The following TESK2 variants were observed in gnomAD, a reference collection of about 807,000 sequenced individuals.
TESK2 encodes the protein testis associated actin remodelling kinase 2, also known as dual specificity testis-specific protein kinase 2.
In TESK2, 39 loss-of-function variants were observed where a neutral mutation model predicts 57.1. That is an observed-to-expected ratio of 0.68 (90% confidence interval 0.53 to 0.89). The LOEUF (loss-of-function observed/expected upper bound fraction) is 0.89, where lower values mean the gene tolerates loss of function less well. TESK2 is among the 40% of genes least tolerant of loss of function. The pLI is 0.00. For missense variants in TESK2, 646 were observed against 732.1 expected, an observed-to-expected ratio of 0.88 and a Z score of 1.36; for synonymous variants, 249 against 267.9, an observed-to-expected ratio of 0.93 and a Z score of 0.69.
intron 1 of TESK2, among the ~76,000 whole-genome samples, chr1:45,473,682 C>T (rs1238262292): frequency 6.6e-6 from 1 of 152,118 alleles, no homozygotes; most frequent in Non-Finnish European, 1.5e-5. Context: ...TTGGAGTACA[C>T]ACTACTATGT....
intron 1 of TESK2, among the ~76,000 whole-genome samples, chr1:45,481,500 A>G (rs1653223411): frequency 6.6e-6 from 1 of 152,136 alleles, no homozygotes; most frequent in African/African-American, 2.4e-5. Context: ...GTACAGGTCC[A>G]CTCATGTGCT....
intron 1 of TESK2, among the ~76,000 whole-genome samples, chr1:45,463,282 G>A (rs1368161706): frequency 6.6e-6 from 1 of 152,036 alleles, no homozygotes; most frequent in Non-Finnish European, 1.5e-5. Context: ...CTGTACTTTG[G>A]GGATATTACT....
intron 1 of TESK2, among the ~76,000 whole-genome samples, chr1:45,474,629 C>T (rs551511651): frequency 5.9e-5 from 9 of 151,900 alleles, no homozygotes; most frequent in African/African-American, 2.2e-4. Flanking sequence ...CGTACCACCA[C>T]GCTGGGCTAA....
chr1:45,402,324 C>T (rs1270554658), intron 3 of TESK2, among the ~76,000 whole-genome samples: 1 of 147,698 alleles, frequency 6.8e-6, no homozygotes, highest in Non-Finnish European at 1.5e-5. Flanking sequence ...GTCAGAAGGT[C>T]AAGGCTATAG....
At chr1:45,356,870 C>A (rs997099435) in intron 4 of TESK2, among the ~76,000 whole-genome samples, 1 of 152,086 alleles carries the variant, frequency 6.6e-6, no homozygotes, top group African/African-American at 2.4e-5. Context: ...AAGGAACAGG[C>A]AAGAATGTCA....
At chr1:45,397,544 C>A (rs1296801456) in intron 3 of TESK2, among the ~76,000 whole-genome samples, 1 of 152,168 alleles carries the variant, frequency 6.6e-6, no homozygotes, top group Non-Finnish European at 1.5e-5. Flanking sequence ...ACCTCTCTTG[C>A]TTTATCTCCT....
intron 2 of TESK2, among the ~76,000 whole-genome samples, chr1:45,428,461 C>T (rs1219616884): frequency 2.0e-5 from 3 of 151,952 alleles, no homozygotes; most frequent in Non-Finnish European, 2.9e-5. Context: ...ATATAGAAAA[C>T]AAAAACTGAC....
At chr1:45,397,968 C>T (rs934256739) in intron 3 of TESK2, among the ~76,000 whole-genome samples, 2 of 152,084 alleles carry the variant, frequency 1.3e-5, no homozygotes, top group African/African-American at 4.8e-5. Flanking sequence ...AGTGCAGTGG[C>T]GTGATCATAG....
intron 4 of TESK2, among the ~76,000 whole-genome samples, chr1:45,361,657 C>T (rs1647691621): frequency 6.6e-6 from 1 of 152,154 alleles, no homozygotes; most frequent in Non-Finnish European, 1.5e-5. Context: ...GGTAATTCAA[C>T]TATATTATGT....
At chr1:45,443,504 A>T (rs996631011) in intron 2 of TESK2, among the ~76,000 whole-genome samples, 5 of 126,552 alleles carry the variant, frequency 4.0e-5, no homozygotes, top group African/African-American at 1.5e-4. Context: ...CGGAAGGTGG[A>T]GTTTGCAGTG....
intron 3 of TESK2, among the ~76,000 whole-genome samples, chr1:45,388,645 G>A (rs1360586271): frequency 1.3e-5 from 2 of 150,634 alleles, no homozygotes; most frequent in Non-Finnish European, 2.9e-5. Flanking sequence ...GACTACAATG[G>A]TTTGAATGTT....
chr1:45,442,308 A>C (rs1167212390), intron 2 of TESK2, among the ~76,000 whole-genome samples: 1 of 151,526 alleles, frequency 6.6e-6, no homozygotes, highest in Admixed American at 6.6e-5. Context: ...TTTTTTTTTA[A>C]ATTTACATTG....
intron 3 of TESK2, among the ~76,000 whole-genome samples, chr1:45,404,203 G>A (rs1341738821): frequency 6.6e-6 from 1 of 152,148 alleles, no homozygotes; most frequent in East Asian, 1.9e-4. Context: ...CTCTCCCAAA[G>A]TGAATGAAAT....
chr1:45,351,951 T>C (rs1382405561), intron 5 of TESK2, among the ~76,000 whole-genome samples: 1 of 152,190 alleles, frequency 6.6e-6, no homozygotes, highest in Non-Finnish European at 1.5e-5. Context: ...TCAAGTGATA[T>C]GGAGTGTATA....
At chr1:45,377,827 A>G (rs2149272108) in intron 4 of TESK2, among the ~76,000 whole-genome samples, 1 of 150,962 alleles carries the variant, frequency 6.6e-6, no homozygotes, top group Non-Finnish European at 1.5e-5. Context: ...GGAGTTTGAG[A>G]CCAGCATGGC....
chr1:45,454,681 TGCAA>T (rs1353684860), intron 2 of TESK2, among the ~76,000 whole-genome samples: 2 of 152,100 alleles, frequency 1.3e-5, no homozygotes, highest in Non-Finnish European at 2.9e-5. Flanking sequence ...CCAAAAGAAT[TGCAA>T]GCAAAGAACC....
At chr1:45,373,041 A>AAG (rs1188139821) in intron 4 of TESK2, among the ~76,000 whole-genome samples, 2 of 151,770 alleles carry the variant, frequency 1.3e-5, no homozygotes, top group African/African-American at 4.8e-5. Context: ...AAAAAAAAAA[A>AAG]AAAAAAGAAA....
At chr1:45,351,635 A>G (rs2149263898) in intron 5 of TESK2, among the ~76,000 whole-genome samples, 1 of 152,316 alleles carries the variant, frequency 6.6e-6, no homozygotes, top group East Asian at 1.9e-4. Context: ...TGGTCTGAGC[A>G]GTGTGGACTG....
At chr1:45,384,393 A>G (rs141802417) in intron 4 of TESK2, among the ~76,000 whole-genome samples, 322 of 57,308 alleles carry the variant, frequency 5.6e-3, no homozygotes, top group African/African-American at 0.015. Flanking sequence ...CTATCTGTCT[A>G]TCTATCTATC....
Sources: allele counts gnomAD v4.1 joint callset (sites outside exome capture counted in the v4.1 genomes callset), GRCh38; gene constraint gnomAD v4.1.1; transcripts MANE v1.5; gene names NCBI Gene and HGNC (gene_info 2026-07-23, HGNC 2026-07-21).